Variants in FER1L6 observed in about 807,000 individuals in gnomAD.
FER1L6 encodes the protein fer-1 like family member 6.
Under a neutral mutation model 219.2 loss-of-function variants are expected in FER1L6, and 177 were observed. The observed-to-expected ratio is 0.81, with a 90% CI of 0.71 to 0.91. FER1L6 has a LOEUF of 0.91. Ranked by LOEUF, FER1L6 falls within the 40% of genes least tolerant of loss-of-function variation. The pLI is 0.00. For synonymous variants in FER1L6, 768 were observed against 824.3 expected (o/e 0.93, Z 1.17); for missense variants, 2,153 against 2,259.9 (o/e 0.95, Z 0.96).
At chr8:124,090,250 C>CTGTT (rs1260659967) in intron 33 of FER1L6, among the ~76,000 whole-genome samples, 2 of 152,202 alleles carry the variant, frequency 1.3e-5, no homozygotes, top group African/African-American at 4.8e-5. Context: ...CCTAGAGAGC[C>CTGTT]TGTTTAGTTT....
chr8:124,090,172 T>C (rs1821968248), intron 33 of FER1L6, among the ~76,000 whole-genome samples: 1 of 152,208 alleles, frequency 6.6e-6, no homozygotes, highest in South Asian at 2.1e-4. Context: ...CGTAACAGAC[T>C]CTGAGCGCCT....
intron 1 of FER1L6, among the ~76,000 whole-genome samples, chr8:123,870,984 T>G (rs920343215): frequency 2.8e-4 from 42 of 152,148 alleles, no homozygotes; most frequent in African/African-American, 1.0e-3. Context: ...CCCATGGAGG[T>G]ATGTGTTAAT....
chr8:123,946,479 C>G (rs1349363400), intron 1 of FER1L6, among the ~76,000 whole-genome samples: 1 of 152,206 alleles, frequency 6.6e-6, no homozygotes, highest in Non-Finnish European at 1.5e-5. Flanking sequence ...GTCTCAAACT[C>G]CTGACCTCAA....
intron 1 of FER1L6, among the ~76,000 whole-genome samples, chr8:123,880,194 C>T (rs913420718): frequency 2.6e-5 from 4 of 152,164 alleles, no homozygotes; most frequent in African/African-American, 9.7e-5. Context: ...CCACTCTTCC[C>T]AGATGCTCTC....
chr8:124,026,669 C>T (rs1818719163), intron 18 of FER1L6, among the ~76,000 whole-genome samples: 1 of 151,812 alleles, frequency 6.6e-6, no homozygotes, highest in Non-Finnish European at 1.5e-5. Flanking sequence ...ATTAAATAGC[C>T]TCTAAATGCT....
intron 39 of FER1L6, among the ~76,000 whole-genome samples, chr8:124,108,880 T>A (rs1822891533): frequency 6.6e-6 from 1 of 151,372 alleles, no homozygotes; most frequent in South Asian, 2.1e-4. Context: ...CCTGTCTCTA[T>A]AGAAAAAAGG....
intron 19 of FER1L6, among the ~76,000 whole-genome samples, chr8:124,037,358 T>A (rs1819266231): frequency 6.6e-6 from 1 of 152,232 alleles, no homozygotes; most frequent in Non-Finnish European, 1.5e-5. Context: ...GAAACACTCC[T>A]GTCGGGAAAT....
intron 39 of FER1L6, among the ~76,000 whole-genome samples, chr8:124,110,267 T>C (rs1327131640): frequency 1.3e-5 from 2 of 152,166 alleles, no homozygotes; most frequent in African/African-American, 4.8e-5. Flanking sequence ...TAAAACCCCC[T>C]GAAAAAATAT....
chr8:124,033,796 G>T (rs1193413729), intron 18 of FER1L6, among the ~76,000 whole-genome samples: 3 of 152,228 alleles, frequency 2.0e-5, no homozygotes, highest in Admixed American at 6.5e-5. Context: ...CTAAAGGAAG[G>T]ATGGAAATCA....
At chr8:124,099,857 A>G (rs1207784062) in intron 37 of FER1L6, among the ~76,000 whole-genome samples, 1 of 152,174 alleles carries the variant, frequency 6.6e-6, no homozygotes, top group Non-Finnish European at 1.5e-5. Context: ...AGACCTTCTA[A>G]GGCTGCATCC....
In FER1L6 at chr8:124,082,041, T is replaced by C. The variant is rs190134611; in HGVS notation, c.4221-247T>C. Among the ~76,000 whole-genome samples, 27 of 152,370 alleles carry C rather than the reference T, an allele frequency of 1.8e-4. No individual in the cohort carries two copies. The East Asian group carries it at 5.0e-3, about 28-fold the overall frequency. On this transcript the variant is annotated intron_variant, in intron 32 of 40. Transcript: ENST00000522917. ...CCTCTCCATCGTGCTGTCACCCTAG[T>C]TGAAGACTACAAGATGTGGCCCATG... is the stretch of plus-strand genomic sequence containing the variant.
rs1411765222 is a variant in FER1L6 at position 124,000,601 on chromosome 8, AT to A, written c.1520-2565del. On this transcript the variant is annotated intron_variant, in intron 12 of 40. Coordinates refer to ENST00000522917, the MANE Select transcript of FER1L6 (RefSeq NM_001039112.2). ...GAGTCTCGGTTTCTTCATCTGTGAAATGAATTCCTCATAGAGTTGCAAAGTT... is the reference window on the plus strand; with the variant it reads ...GAGTCTCGGTTTCTTCATCTGTGAAAGAATTCCTCATAGAGTTGCAAAGTT... Among the ~76,000 whole-genome samples, 51 of 152,206 alleles carry A rather than the reference AT, an allele frequency of 3.4e-4. 1 individual carries two copies. The highest frequency in any genetic ancestry group is 4.4e-5 in the Non-Finnish European group (3 of 68,044).
Position 123,878,247 on chromosome 8 carries a change from G to A in FER1L6, c.-8+26062G>A, listed in dbSNP as rs187229149. 2.8e-3 allele frequency among the ~76,000 whole-genome samples: 423 copies of A among 152,282 alleles called. 2 individuals are homozygous for A. The highest frequency in any genetic ancestry group is 4.4e-3 in the Non-Finnish European group (301 of 68,018). ...GCTGACTACTGAGAATTAGGGCAGGGAAAATTGGGGGACTCATTGGAGACA... is the reference window on the plus strand; with the variant it reads ...GCTGACTACTGAGAATTAGGGCAGGAAAAATTGGGGGACTCATTGGAGACA... On this transcript the variant is annotated intron_variant, in intron 1 of 40. Coordinates refer to ENST00000522917, the MANE Select transcript of FER1L6 (RefSeq NM_001039112.2).
chr8:123,986,077 G>C lies in FER1L6; in HGVS notation c.1420G>C (p.Glu474Gln), dbSNP rs1039926717. ...SFDVPPEIVP[E>Q]KNEEFLLFGA... Reference sequence around the variant, plus strand: ...TGTTTTCTTTCTGTAGATTGTACCAGAAAAAAATGAGGAATTTTTACTCTT... The same window carrying C: ...TGTTTTCTTTCTGTAGATTGTACCACAAAAAAATGAGGAATTTTTACTCTT... The change falls in exon 12 of 41, where the codon GAA becomes CAA. Residue 474 changes from glutamate (E) to glutamine (Q), a missense_variant. Coordinates refer to ENST00000522917, the MANE Select transcript of FER1L6 (RefSeq NM_001039112.2). The C allele has an allele frequency of 1.2e-6, 2 of 1,607,440 alleles. No individual in the cohort carries two copies. The highest frequency in any genetic ancestry group is 2.7e-5 in the African/African-American group (2 of 74,724).
At chr8:123,898,152 TTA>T (rs1216202290) in intron 1 of FER1L6, among the ~76,000 whole-genome samples, 5 of 150,692 alleles carry the variant, frequency 3.3e-5, no homozygotes, top group African/African-American at 1.2e-4. Context: ...AAATCAGTTA[TTA>T]TATATGTTTT....
intron 1 of FER1L6, among the ~76,000 whole-genome samples, chr8:123,858,107 C>T (rs1432331313): frequency 6.6e-6 from 1 of 152,182 alleles, no homozygotes; most frequent in African/African-American, 2.4e-5. Flanking sequence ...CCCCACTCTT[C>T]TCTGGCGACT....
At chr8:124,018,163 G>A (rs1420050392) in intron 16 of FER1L6, among the ~76,000 whole-genome samples, 1 of 152,214 alleles carries the variant, frequency 6.6e-6, no homozygotes, top group Non-Finnish European at 1.5e-5. Context: ...ACCTGCATGT[G>A]CTAGGTGCCT....
chr8:124,099,897 ATC>A (rs1822480219), intron 37 of FER1L6, among the ~76,000 whole-genome samples: 1 of 151,956 alleles, frequency 6.6e-6, no homozygotes, highest in South Asian at 2.1e-4. Context: ...GCCTTTGCAC[ATC>A]TCTCTCTAGT....
chr8:124,065,710 C>A (rs927965510), intron 26 of FER1L6, among the ~76,000 whole-genome samples: 3 of 152,172 alleles, frequency 2.0e-5, no homozygotes, highest in African/African-American at 7.2e-5. Flanking sequence ...TCTCTATACC[C>A]CCGCACTCGA....
Sources: allele counts gnomAD v4.1 joint callset (sites outside exome capture counted in the v4.1 genomes callset), GRCh38; gene constraint gnomAD v4.1.1; transcripts MANE v1.5; gene names NCBI Gene and HGNC (gene_info 2026-07-23, HGNC 2026-07-21).